Variants in SGCZ observed in about 807,000 individuals in gnomAD.
SGCZ encodes the protein sarcoglycan zeta.
Under a neutral mutation model 41.3 loss-of-function variants are expected in SGCZ, and 40 were observed. That is an observed-to-expected ratio of 0.97 (90% CI 0.75 to 1.26). The LOEUF (loss-of-function observed/expected upper bound fraction) is 1.26, where lower values mean the gene tolerates loss of function less well. SGCZ is among the 50% of genes most tolerant of loss of function. The pLI, the probability that SGCZ is intolerant of heterozygous loss-of-function variation, is 0.00. For missense variants in SGCZ, 552 were observed against 369.8 expected, an observed-to-expected ratio of 1.49 and a Z score of -4.04; for synonymous variants, 206 against 137.5, an observed-to-expected ratio of 1.50 and a Z score of -3.49.
intron 1 of SGCZ, among the ~76,000 whole-genome samples, chr8:14,919,056 C>T (rs1799516806): frequency 6.6e-6 from 1 of 152,138 alleles, no homozygotes; most frequent in Non-Finnish European, 1.5e-5. Flanking sequence ...TAGCAATACT[C>T]ACCTTTTAAG....
chr8:15,217,278 G>A lies in SGCZ; in HGVS notation c.39+20307C>T, dbSNP rs558841785. Among the ~76,000 whole-genome samples the A allele has an allele frequency of 1.5e-3, 227 of 151,666 alleles. 2 individuals carry two copies. The highest frequency in any genetic ancestry group is 0.013 in the Admixed American group (197 of 15,242). On this transcript the variant is annotated intron_variant, in intron 1 of 7. Coordinates refer to ENST00000382080, the MANE Select transcript of SGCZ (RefSeq NM_139167.4). Reference sequence around the variant, plus strand: ...TAAAAATACAAAAAATTAGCCGGGCGTGTTGGCGGGCGCCTGTAGTCCCAG... The same window carrying A: ...TAAAAATACAAAAAATTAGCCGGGCATGTTGGCGGGCGCCTGTAGTCCCAG...
intron 1 of SGCZ, among the ~76,000 whole-genome samples, chr8:14,682,981 G>A (rs1808497172): frequency 6.6e-6 from 1 of 152,106 alleles, no homozygotes; most frequent in Non-Finnish European, 1.5e-5. Context: ...TATTGGGGTG[G>A]CCATAGAAGA....
chr8:14,163,011 T>C (rs1181698300), intron 5 of SGCZ, among the ~76,000 whole-genome samples: 1 of 152,154 alleles, frequency 6.6e-6, no homozygotes, highest in African/African-American at 2.4e-5. Context: ...GCTGGGACTA[T>C]GGACACACAC....
intron 1 of SGCZ, among the ~76,000 whole-genome samples, chr8:15,173,047 C>T (rs1041573933): frequency 1.3e-5 from 2 of 152,188 alleles, no homozygotes; most frequent in East Asian, 3.9e-4. Context: ...ACATATAAGT[C>T]CTCGACTTTT....
chr8:15,001,595 G>A (rs1802423073), intron 1 of SGCZ, among the ~76,000 whole-genome samples: 1 of 151,956 alleles, frequency 6.6e-6, no homozygotes, highest in South Asian at 2.1e-4. Flanking sequence ...CGGACATGTT[G>A]GTGGGCACCT....
intron 4 of SGCZ, among the ~76,000 whole-genome samples, chr8:14,169,608 A>C (rs1190380059): frequency 1.3e-5 from 2 of 152,038 alleles, no homozygotes; most frequent in Non-Finnish European, 2.9e-5. Context: ...CTTTACCAAC[A>C]ACACACTTCC....
chr8:14,262,046 C>T (rs1416100430), intron 3 of SGCZ, among the ~76,000 whole-genome samples: 1 of 152,126 alleles, frequency 6.6e-6, no homozygotes, highest in Non-Finnish European at 1.5e-5. Context: ...TCAGAGGATA[C>T]AGTATAGTTT....
intron 3 of SGCZ, among the ~76,000 whole-genome samples, chr8:14,246,470 T>C (rs1489254939): frequency 4.0e-5 from 6 of 151,502 alleles, no homozygotes; most frequent in Admixed American, 2.0e-4. Context: ...CGGGGAGGGA[T>C]AGCATTAGGA....
At chr8:14,177,016 C>T (rs1804562736) in intron 4 of SGCZ, among the ~76,000 whole-genome samples, 1 of 152,070 alleles carries the variant, frequency 6.6e-6, no homozygotes, top group South Asian at 2.1e-4. Flanking sequence ...CGTTACATCA[C>T]CAAGGTTTTG....
chr8:14,578,610 T>A (rs1804789276), intron 1 of SGCZ, among the ~76,000 whole-genome samples: 1 of 152,188 alleles, frequency 6.6e-6, no homozygotes, highest in South Asian at 2.1e-4. Context: ...TATGTATGAG[T>A]GCTAAAACTG....
At chr8:14,508,679 G>C (rs548080675) in intron 2 of SGCZ, among the ~76,000 whole-genome samples, 8 of 152,256 alleles carry the variant, frequency 5.3e-5, no homozygotes, top group African/African-American at 1.7e-4. Flanking sequence ...ATGAAATAAA[G>C]TATCTGTCTA....
In SGCZ at chr8:14,822,117, A is replaced by T. The variant is rs1020148102; in HGVS notation, c.40-267191T>A. Among the ~76,000 whole-genome samples the T allele has an allele frequency of 3.6e-4, 53 of 148,480 alleles. 1 individual carries two copies. Among genetic ancestry groups the T allele is most frequent in the African/African-American group, 1.3e-3 (51 of 39,148 alleles). ...ACACACACACACACACACGGTTAGA[A>T]CTAATAAATAAATTCAGTTAAGTTT... is the stretch of plus-strand genomic sequence containing the variant. On this transcript the variant is annotated intron_variant, in intron 1 of 7. Coordinates refer to ENST00000382080, the MANE Select transcript of SGCZ (RefSeq NM_139167.4).
intron 1 of SGCZ, among the ~76,000 whole-genome samples, chr8:14,667,670 T>A (rs997287868): frequency 2.6e-5 from 4 of 152,278 alleles, no homozygotes; most frequent in African/African-American, 4.8e-5. Flanking sequence ...AATAGTATAA[T>A]CACAATATTT....
intron 1 of SGCZ, among the ~76,000 whole-genome samples, chr8:14,807,736 A>G (rs1801592645): frequency 6.6e-6 from 1 of 151,842 alleles, no homozygotes; most frequent in Non-Finnish European, 1.5e-5. Context: ...ACTACTTTAA[A>G]GTTCATATGG....
intron 1 of SGCZ, among the ~76,000 whole-genome samples, chr8:14,652,201 C>T (rs1265241942): frequency 3.3e-5 from 5 of 151,188 alleles, no homozygotes; most frequent in African/African-American, 1.2e-4. Flanking sequence ...ATTAGCTGGG[C>T]GTGGTGGCGA....
intron 1 of SGCZ, among the ~76,000 whole-genome samples, chr8:14,762,600 TA>T (rs1799922552): frequency 6.6e-6 from 1 of 152,202 alleles, no homozygotes; most frequent in African/African-American, 2.4e-5. Context: ...ATTCTATAAC[TA>T]GCTCTTGGTC....
chr8:14,754,550 C>A (rs1019238749), intron 1 of SGCZ, among the ~76,000 whole-genome samples: 2 of 152,096 alleles, frequency 1.3e-5, no homozygotes, highest in Non-Finnish European at 2.9e-5. Context: ...TTATAGGAAT[C>A]CAGAATAGTG....
At chr8:14,438,283 T>A (rs758085286) in intron 2 of SGCZ, among the ~76,000 whole-genome samples, 7 of 152,048 alleles carry the variant, frequency 4.6e-5, no homozygotes, top group Non-Finnish European at 7.4e-5. Flanking sequence ...ATATTCATAA[T>A]TTTAGAAGAA....
At chr8:14,531,206 C>T (rs570766688) in intron 2 of SGCZ, among the ~76,000 whole-genome samples, 1 of 151,836 alleles carries the variant, frequency 6.6e-6, no homozygotes, top group East Asian at 1.9e-4. Flanking sequence ...ATTCATAAAC[C>T]TATCAGCATA....
Sources: allele counts gnomAD v4.1 joint callset (sites outside exome capture counted in the v4.1 genomes callset), GRCh38; gene constraint gnomAD v4.1.1; transcripts MANE v1.5; gene names NCBI Gene and HGNC (gene_info 2026-07-23, HGNC 2026-07-21).